The following FANCA variants were observed in gnomAD, a reference collection of about 807,000 sequenced individuals.
The protein encoded by FANCA is FA complementation group A.
In FANCA, 236 loss-of-function variants were observed where a neutral mutation model predicts 194.3. That is an observed-to-expected ratio of 1.21 (90% CI 1.09 to 1.35). The LOEUF (loss-of-function observed/expected upper bound fraction) is 1.35. Among genes scored for constraint, FANCA ranks in the 40% most tolerant of loss-of-function variants. The probability of loss-of-function intolerance (pLI) is 0.00; values close to 1 mark genes in which losing one functional copy is unlikely to be tolerated. For synonymous variants in FANCA, 1,014 were observed against 715.8 expected (o/e 1.42, Z -6.65); for missense variants, 2,628 against 1,813.9 (o/e 1.45, Z -8.15).
intron 35 of FANCA, among the ~76,000 whole-genome samples, chr16:89,746,273 C>G (rs1255335548): frequency 6.6e-6 from 1 of 152,196 alleles, no homozygotes; most frequent in African/African-American, 2.4e-5. Flanking sequence ...AACCCAAGAC[C>G]GTGAACAAAC....
At chr16:89,763,759 C>G (rs1001090711) in intron 28 of FANCA, among the ~76,000 whole-genome samples, 3 of 151,218 alleles carry the variant, frequency 2.0e-5, no homozygotes, top group Non-Finnish European at 4.4e-5. Context: ...ATGGTGAAAC[C>G]CCATCTCTAC....
In FANCA at chr16:89,771,704, G is replaced by C. The variant is rs746373917; in HGVS notation, c.2125C>G (p.Pro709Ala). Residue 709 changes from proline (P) to alanine (A), a missense_variant, in exon 23 of 43, where the codon CCG becomes GCG. Transcript: ENST00000389301. ...ATGTGTTCCCGTGGCTCCAGTCTCGGCGTGTTGATGCTGAGCTGAATCTTT... is the reference window on the plus strand; with the variant it reads ...ATGTGTTCCCGTGGCTCCAGTCTCGCCGTGTTGATGCTGAGCTGAATCTTT... The part of the protein sequence containing the change: ...ISKIQLSINT[P>A]RLEPREHMAV... 16 of 1,614,024 alleles carry C rather than the reference G, an allele frequency of 9.9e-6. 1 individual carries two copies. In the Admixed American group the frequency reaches 1.2e-4, roughly 12 times the overall value.
chr16:89,799,566 A>T, intron 9 of FANCA, 39 bp downstream of exon 9: 1 of 1,593,396 alleles, frequency 6.3e-7, no homozygotes, highest in Non-Finnish European at 8.6e-7. Context: ...TAAGCAAACT[A>T]AGTCATTTAC....
intron 33 of FANCA, among the ~76,000 whole-genome samples, chr16:89,747,188 G>A (rs1036248351): frequency 2.6e-5 from 4 of 152,206 alleles, no homozygotes; most frequent in African/African-American, 9.6e-5. Flanking sequence ...GGACGCACCC[G>A]GAGCGTAGAA....
intron 29 of FANCA, 104 bp downstream of exon 29, chr16:89,761,845 C>T: frequency 1.1e-6 from 1 of 942,904 alleles, no homozygotes; most frequent in Middle Eastern, 2.2e-4. Flanking sequence ...AGGCTGACCT[C>T]AAACTCCTGG....
At position 89,738,385 on chromosome 16, in the gene FANCA, C is replaced by T; in HGVS notation, c.*216G>A. 7.1e-7 allele frequency: 1 copy of T among 1,401,804 alleles called. No individual in the cohort carries two copies. The highest frequency in any genetic ancestry group is 1.4e-5 in the African/African-American group (1 of 70,120). The allele number at this position is 1,401,804 out of a possible 1,614,324, so 86.8% of individuals were successfully genotyped here. A position where few individuals can be genotyped will look rare whatever the true frequency, so the allele number is the denominator to read the frequency against. ...TGCTGGAGGCGGGCTTGGTGTCCGG[C>T]TCAAGTAGCCTTCCTCTGCTCTGGG... On this transcript the variant is annotated 3_prime_UTR_variant, in exon 43 of 43. Transcript: ENST00000389301.
Position 89,739,253 on chromosome 16 carries a change from C to G in FANCA, c.4047G>C (p.Arg1349Ser). The G allele has an allele frequency of 6.2e-7, 1 of 1,614,148 alleles. No individual in the cohort carries two copies. Among genetic ancestry groups the G allele is most frequent in the Non-Finnish European group, 8.5e-7 (1 of 1,180,038 alleles). The stretch of plus-strand genomic sequence containing the variant: ...CAGCAACATGCAGGAAGGCCTCTTC[C>G]CTGATGGCCGCGTCTTCATGGAAGT... Reference protein sequence around the residue: ...LSYFHEDAAIREEAFLHVAVD... With the variant: ...LSYFHEDAAISEEAFLHVAVD... Residue 1349 changes from arginine to serine, a missense_variant, in exon 41 of 43, where the codon AGG becomes AGC. Transcript: ENST00000389301.
At position 89,745,203 on chromosome 16, in the gene FANCA, C is replaced by CA. The variant is rs1480147347; in HGVS notation, c.3514-133dup. 6 of 819,234 alleles carry CA rather than the reference C, an allele frequency of 7.3e-6. 1 individual carries two copies. The African/African-American group carries it at 8.4e-5, about 12-fold the overall frequency. 50.7% of individuals were successfully genotyped at this position (819,234 alleles called of 1,614,324 possible). A position where few individuals can be genotyped will look rare whatever the true frequency, so the allele number is the denominator to read the frequency against. ...ACACTCGCCCTGCGCTCTGGAACTC[C>CA]AAAGCCAGTATTTTTTACGTCAATT... On this transcript the variant is annotated intron_variant, in intron 35 of 42. Coordinates refer to ENST00000389301, the MANE Select transcript of FANCA (RefSeq NM_000135.4).
At position 89,814,253 on chromosome 16, in the gene FANCA, T is replaced by A. The variant is rs115186003; in HGVS notation, c.283+267A>T. Among the ~76,000 whole-genome samples the A allele has an allele frequency of 1.6e-3, 237 of 152,338 alleles. 2 individuals are homozygous for A. The highest frequency in any genetic ancestry group is 5.3e-3 in the African/African-American group (222 of 41,596). On this transcript the variant is annotated intron_variant, in intron 3 of 42. Coordinates refer to ENST00000389301, the MANE Select transcript of FANCA (RefSeq NM_000135.4). Reference sequence around the variant, plus strand: ...CCATGAGCAAGGGGCACATCCCTGCTGTTGCTATGTCCCATGTTTTTCCAA... The same window carrying A: ...CCATGAGCAAGGGGCACATCCCTGCAGTTGCTATGTCCCATGTTTTTCCAA...
In FANCA at chr16:89,805,398, G is replaced by A. The variant is rs2143632553; in HGVS notation, c.597-6C>T. 5 of 1,606,156 alleles carry A rather than the reference G, an allele frequency of 3.1e-6. No individual in the cohort carries two copies. The highest frequency in any genetic ancestry group is 4.3e-6 in the Non-Finnish European group (5 of 1,173,030). On this transcript the variant is annotated splice_region_variant and splice_polypyrimidine_tract_variant and intron_variant, in intron 6 of 42. Transcript: ENST00000389301. The stretch of plus-strand genomic sequence containing the variant: ...CAGCATGCATGTCGGGATGGCTGGA[G>A]ACACACACAGAGGCAGACGTAAGGC...
At chr16:89,781,363 CA>C (rs775937692) in intron 17 of FANCA, among the ~76,000 whole-genome samples, 16,476 of 60,688 alleles carry the variant, frequency 0.27, 534 homozygotes, top group East Asian at 0.48. Context: ...GACTCCATTC[CA>C]AAAAAAAAAA....
chr16:89,739,262 C>A lies in FANCA; in HGVS notation c.4038G>T (p.Ala1346=), dbSNP rs755479861. 9 of 1,614,042 alleles carry A rather than the reference C, an allele frequency of 5.6e-6. No individual in the cohort carries two copies. The highest frequency in any genetic ancestry group is 1.7e-5 in the Admixed American group (1 of 60,006). ...YSLLSYFHED[A]AIREEAFLHV... ...GCAGGAAGGCCTCTTCCCTGATGGC[C>A]GCGTCTTCATGGAAGTAGGAGAGAA... is the stretch of plus-strand genomic sequence containing the variant. The change falls in exon 41 of 43, where the codon GCG becomes GCT. Residue 1346 remains alanine, a synonymous_variant. Transcript: ENST00000389301.
intron 5 of FANCA, 159 bp downstream of exon 5, chr16:89,810,548 A>G (rs1043096264): frequency 3.2e-5 from 21 of 661,902 alleles, no homozygotes; most frequent in African/African-American, 2.2e-4. Flanking sequence ...CTTCTTTCCA[A>G]TCCACAGATG....
intron 7 of FANCA, among the ~76,000 whole-genome samples, chr16:89,803,548 G>A (rs1474751929): frequency 6.6e-6 from 1 of 152,024 alleles, no homozygotes; most frequent in Non-Finnish European, 1.5e-5. Flanking sequence ...AACCCAATCA[G>A]GACCCTTAGA....
At chr16:89,777,287 G>C (rs1193305268) in intron 20 of FANCA, among the ~76,000 whole-genome samples, 2 of 152,116 alleles carry the variant, frequency 1.3e-5, no homozygotes, top group Non-Finnish European at 2.9e-5. Flanking sequence ...GAGGCGGAGA[G>C]GGAAGGACTG....
chr16:89,816,527 G>A lies in FANCA; in HGVS notation c.79+10C>T, dbSNP rs573174362. On this transcript the variant is annotated intron_variant, in intron 1 of 42. Coordinates refer to ENST00000389301, the MANE Select transcript of FANCA (RefSeq NM_000135.4). Reference sequence around the variant, plus strand: ...GCCGCCCACTCCCGCGGCCTGCCGCGCCCACCTACCCAGCAGCTCGGCCCA... The same window carrying A: ...GCCGCCCACTCCCGCGGCCTGCCGCACCCACCTACCCAGCAGCTCGGCCCA... 2.9e-5 allele frequency: 43 copies of A among 1,486,110 alleles called. No homozygotes were observed. The African/African-American group carries it at 3.1e-4, about 11-fold the overall frequency. The allele number at this position is 1,486,110 out of a possible 1,614,324, so 92.1% of individuals were successfully genotyped here. A position where few individuals can be genotyped will look rare whatever the true frequency, so the allele number is the denominator to read the frequency against.
intron 11 of FANCA, among the ~76,000 whole-genome samples, chr16:89,794,088 CTTAA>C (rs551940707): frequency 0.32 from 48,126 of 151,910 alleles, 8,758 homozygotes; most frequent in East Asian, 0.68. Context: ...GAAGACAGAT[CTTAA>C]TATGTACTTT....
chr16:89,762,896 A>AT (rs2038999613), intron 28 of FANCA: 2 of 289,666 alleles, frequency 6.9e-6, no homozygotes, highest in Non-Finnish European at 1.4e-5. Context: ...AGGTCAGCAG[A>AT]TTGAGACCAT....
At chr16:89,802,258 G>A (rs1158252590) in intron 8 of FANCA, among the ~76,000 whole-genome samples, 2 of 149,866 alleles carry the variant, frequency 1.3e-5, no homozygotes, top group African/African-American at 2.5e-5. Context: ...GTGCCACCAC[G>A]CCCGGCTATT....
Sources: allele counts gnomAD v4.1 joint callset (sites outside exome capture counted in the v4.1 genomes callset), GRCh38; gene constraint gnomAD v4.1.1; transcripts MANE v1.5; gene names NCBI Gene and HGNC (gene_info 2026-07-23, HGNC 2026-07-21).